The following PTPRD variants were observed in gnomAD, a reference collection of about 807,000 sequenced individuals.
PTPRD encodes the protein receptor-type tyrosine-protein phosphatase delta.
In PTPRD, 34 loss-of-function variants were observed where a neutral mutation model predicts 214.5. The ratio of observed to expected loss-of-function variants is 0.16; its 90% confidence interval spans 0.12 to 0.21. The LOEUF (loss-of-function observed/expected upper bound fraction) is 0.21. Among genes scored for constraint, PTPRD ranks in the 10% least tolerant of loss-of-function variants. The pLI is 1.00. For missense variants in PTPRD, 2,545 were observed against 2,398.7 expected (o/e 1.06, Z -1.27); for synonymous variants, 1,128 against 845.7 (o/e 1.33, Z -5.79).
At chr9:10,075,059 TG>T (rs2098111365) in intron 3 of PTPRD, among the ~76,000 whole-genome samples, 1 of 152,130 alleles carries the variant, frequency 6.6e-6, no homozygotes, top group African/African-American at 2.4e-5. Context: ...GTGGATTTCA[TG>T]GAGTAATAAG....
chr9:8,616,139 T>A (rs2154295342), intron 14 of PTPRD, among the ~76,000 whole-genome samples: 1 of 152,272 alleles, frequency 6.6e-6, no homozygotes, highest in East Asian at 1.9e-4. Context: ...TAATTCACTC[T>A]ACCACCAAAC....
chr9:9,536,360 G>T (rs1356031894), intron 8 of PTPRD, among the ~76,000 whole-genome samples: 2 of 151,854 alleles, frequency 1.3e-5, no homozygotes, highest in African/African-American at 2.4e-5. Context: ...TCTTCAAGTT[G>T]TAAGATTCTT....
chr9:9,337,172 C>T (rs1297348553), intron 9 of PTPRD, among the ~76,000 whole-genome samples: 1 of 152,058 alleles, frequency 6.6e-6, no homozygotes, highest in Admixed American at 6.6e-5. Flanking sequence ...TGAAGTAAAT[C>T]AGAGATTGGG....
chr9:10,101,067 C>T (rs2154213495), intron 3 of PTPRD, among the ~76,000 whole-genome samples: 1 of 151,596 alleles, frequency 6.6e-6, no homozygotes, highest in South Asian at 2.1e-4. Flanking sequence ...CCAGAAACCT[C>T]AAATAATTTC....
intron 14 of PTPRD, among the ~76,000 whole-genome samples, chr9:8,594,446 G>A (rs1224579394): frequency 6.6e-6 from 1 of 151,982 alleles, no homozygotes; most frequent in Non-Finnish European, 1.5e-5. Context: ...TATAAATCCT[G>A]GCAAACAACT....
chr9:8,901,131 A>G (rs1179296273), intron 11 of PTPRD, among the ~76,000 whole-genome samples: 1 of 152,154 alleles, frequency 6.6e-6, no homozygotes, highest in Non-Finnish European at 1.5e-5. Flanking sequence ...AAAAAGGAGA[A>G]GCCAAAGAGT....
intron 11 of PTPRD, among the ~76,000 whole-genome samples, chr9:8,845,486 G>A (rs924195363): frequency 6.6e-6 from 1 of 152,176 alleles, no homozygotes; most frequent in Non-Finnish European, 1.5e-5. Context: ...CTAACAATAG[G>A]AAATACAAGC....
intron 2 of PTPRD, among the ~76,000 whole-genome samples, chr9:10,511,646 C>T (rs1367928492): frequency 6.7e-6 from 1 of 149,258 alleles, no homozygotes; most frequent in Admixed American, 6.7e-5. Flanking sequence ...GAACTCCTGA[C>T]CTCATGATCC....
intron 3 of PTPRD, among the ~76,000 whole-genome samples, chr9:10,044,562 T>C (rs1420630240): frequency 6.6e-6 from 1 of 151,804 alleles, no homozygotes; most frequent in Non-Finnish European, 1.5e-5. Flanking sequence ...TATCAAATAA[T>C]TTGCTCTCAT....
intron 10 of PTPRD, among the ~76,000 whole-genome samples, chr9:9,050,247 TGATAAAACTAGTC>T (rs1283276116): frequency 6.6e-6 from 1 of 152,220 alleles, no homozygotes; most frequent in Non-Finnish European, 1.5e-5. Context: ...TTCAATGTAC[TGATAAAACTAGTC>T]GATAAAACTA....
chr9:8,601,927 T>C (rs908251252), intron 14 of PTPRD, among the ~76,000 whole-genome samples: 1 of 152,170 alleles, frequency 6.6e-6, no homozygotes, highest in African/African-American at 2.4e-5. Flanking sequence ...CAGCCTGGAA[T>C]GGACCTCCAG....
chr9:8,350,116 G>C lies in PTPRD; in HGVS notation c.4662-8138C>G, dbSNP rs535061526. On this transcript the variant is annotated intron_variant, in intron 39 of 45. Coordinates refer to ENST00000381196, the MANE Select transcript of PTPRD (RefSeq NM_002839.4). ...AAACATGATTGAGTTAGTCCCACGAGTTGAAACGGGCTTAATGTCCCGTGA... is the reference window on the plus strand; with the variant it reads ...AAACATGATTGAGTTAGTCCCACGACTTGAAACGGGCTTAATGTCCCGTGA... Among the ~76,000 whole-genome samples, 3 of 152,166 alleles carry C rather than the reference G, an allele frequency of 2.0e-5. No homozygotes were observed. In the East Asian group the frequency reaches 5.8e-4, roughly 29 times the overall value.
intron 37 of PTPRD, among the ~76,000 whole-genome samples, chr9:8,384,790 C>G (rs963412003): frequency 1.3e-5 from 2 of 152,114 alleles, no homozygotes; most frequent in Non-Finnish European, 2.9e-5. Context: ...CCTCTCAAAA[C>G]GCTGAGATTA....
At position 9,496,861 on chromosome 9, in the gene PTPRD, G is replaced by C. The variant is rs930717494; in HGVS notation, c.-237+77871C>G. The stretch of plus-strand genomic sequence containing the variant: ...TGTGGCAGCAACTCAAGTGTCCATT[G>C]ACGAATGAGCAAGTAAAACGTGGTT... On this transcript the variant is annotated intron_variant, in intron 8 of 45. Coordinates refer to ENST00000381196, the MANE Select transcript of PTPRD (RefSeq NM_002839.4). 1.9e-4 allele frequency among the ~76,000 whole-genome samples: 29 copies of C among 152,134 alleles called. 1 individual carries two copies.
chr9:8,624,215 G>A (rs1419072682), intron 14 of PTPRD, among the ~76,000 whole-genome samples: 1 of 151,670 alleles, frequency 6.6e-6, no homozygotes, highest in South Asian at 2.1e-4. Flanking sequence ...AATGTAACAG[G>A]GGGAAAAAAA....
chr9:9,411,876 T>A (rs1313473406), intron 8 of PTPRD, among the ~76,000 whole-genome samples: 4 of 152,130 alleles, frequency 2.6e-5, no homozygotes, highest in Non-Finnish European at 5.9e-5. Context: ...ACTAAATGCA[T>A]AGTGACCCTA....
chr9:8,837,017 A>G (rs2570291), intron 11 of PTPRD, among the ~76,000 whole-genome samples: 94,860 of 145,366 alleles, frequency 0.65, 31,564 homozygotes, highest in African/African-American at 0.81. Context: ...GTGAGCCACC[A>G]CACCCAGCTT....
intron 11 of PTPRD, among the ~76,000 whole-genome samples, chr9:8,878,490 A>G (rs182125240): frequency 2.6e-5 from 4 of 152,230 alleles, no homozygotes; most frequent in Non-Finnish European, 4.4e-5. Flanking sequence ...GATTATTATC[A>G]ACAGAAGTGC....
intron 5 of PTPRD, among the ~76,000 whole-genome samples, chr9:9,870,477 G>T (rs2065134518): frequency 6.6e-6 from 1 of 151,786 alleles, no homozygotes; most frequent in Admixed American, 6.6e-5. Context: ...CCTTTAATAT[G>T]CTCATAAAGT....
Sources: allele counts gnomAD v4.1 joint callset (sites outside exome capture counted in the v4.1 genomes callset), GRCh38; gene constraint gnomAD v4.1.1; transcripts MANE v1.5; gene names NCBI Gene and HGNC (gene_info 2026-07-23, HGNC 2026-07-21).